ATP1B1: variants seen among roughly 807,000 people sequenced by gnomAD.
ATP1B1 encodes the protein sodium/potassium-transporting ATPase subunit beta-1.
A neutral mutation model predicts 39.6 loss-of-function variants in ATP1B1; 3 were observed. That is an observed-to-expected ratio of 0.08 (90% CI 0.03 to 0.20). The LOEUF (loss-of-function observed/expected upper bound fraction) is 0.20, where lower values mean the gene tolerates loss of function less well. ATP1B1 is among the 10% of genes least tolerant of loss of function. The pLI, the probability that ATP1B1 is intolerant of heterozygous loss-of-function variation, is 1.00. For missense variants in ATP1B1, 216 were observed against 371.1 expected (o/e 0.58, Z 3.43); for synonymous variants, 139 against 135.0 (o/e 1.03, Z -0.20).
At chr1:169,110,074 G>A (rs1323023796) in intron 1 of ATP1B1, among the ~76,000 whole-genome samples, 1 of 151,918 alleles carries the variant, frequency 6.6e-6, no homozygotes, top group Non-Finnish European at 1.5e-5. Flanking sequence ...TTTGATAGAG[G>A]AGAAAAAGGA....
chr1:169,109,651 C>T (rs1033344246), intron 1 of ATP1B1, among the ~76,000 whole-genome samples: 1 of 152,052 alleles, frequency 6.6e-6, no homozygotes, highest in South Asian at 2.1e-4. Flanking sequence ...AAACTGTAGC[C>T]TCAATTATGT....
In ATP1B1 at chr1:169,132,217, A is replaced by C. The variant is rs1007828191; in HGVS notation, c.*662A>C. The C allele has an allele frequency of 4.5e-6, 3 of 669,052 alleles. No individual in the cohort carries two copies. In the Admixed American group the frequency reaches 6.5e-5, roughly 15 times the overall value. The allele number at this position is 669,052 out of a possible 1,614,324, so 41.4% of individuals were successfully genotyped here. ...AAGTGACACTACAGAAAAACACAAAAAGGTGATGGGTTGTGTTATGCTTGT... is the reference window on the plus strand; with the variant it reads ...AAGTGACACTACAGAAAAACACAAACAGGTGATGGGTTGTGTTATGCTTGT... On this transcript the variant is annotated 3_prime_UTR_variant, in exon 6 of 6. Transcript: ENST00000367815.
At chr1:169,126,144 A>G (rs12066676) in intron 3 of ATP1B1, among the ~76,000 whole-genome samples, 21,227 of 152,126 alleles carry the variant, frequency 0.14, 2,802 homozygotes, top group East Asian at 0.73. Context: ...TTTTGGAAAT[A>G]TTTAGTAACT....
chr1:169,110,402 T>C (rs928128820), intron 1 of ATP1B1, among the ~76,000 whole-genome samples: 1 of 152,180 alleles, frequency 6.6e-6, no homozygotes, highest in African/African-American at 2.4e-5. Context: ...CTCGATAACC[T>C]TACAGTTCAC....
Position 169,131,679 on chromosome 1 carries a change from C to A in ATP1B1, c.*124C>A. On this transcript the variant is annotated 3_prime_UTR_variant, in exon 6 of 6. Transcript: ENST00000367815. This position sits in a 1 kb window ranked among gnomAD's most constrained non-coding sequence, Gnocchi z 4.4. ...ACCTACACTTAATCTATATGCTTTA[C>A]ACTAGCTTTCTGCATTTAATAGGTT... 9.2e-7 allele frequency: 1 copy of A among 1,090,290 alleles called. No individual in the cohort carries two copies. Among genetic ancestry groups the A allele is most frequent in the Non-Finnish European group, 1.3e-6 (1 of 777,522 alleles). 67.5% of individuals were successfully genotyped at this position (1,090,290 alleles called of 1,614,324 possible).
chr1:169,124,310 C>A (rs1557951346), intron 2 of ATP1B1, among the ~76,000 whole-genome samples: 1 of 152,120 alleles, frequency 6.6e-6, no homozygotes, highest in Non-Finnish European at 1.5e-5. Context: ...CCAAATTCTT[C>A]CCGTTTAGTT....
chr1:169,118,352 G>T (rs1029358968), intron 2 of ATP1B1, among the ~76,000 whole-genome samples: 1 of 152,180 alleles, frequency 6.6e-6, no homozygotes, highest in Non-Finnish European at 1.5e-5. Context: ...CTTTGTAAAG[G>T]GAGCAGATTC....
At chr1:169,124,319 T>G (rs10919065) in intron 2 of ATP1B1, among the ~76,000 whole-genome samples, 83,812 of 152,054 alleles carry the variant, frequency 0.55, 23,804 homozygotes, top group East Asian at 0.82. Flanking sequence ...TCCCGTTTAG[T>G]TTAAAAGATC....
At chr1:169,123,609 A>C (rs1201181319) in intron 2 of ATP1B1, among the ~76,000 whole-genome samples, 1 of 150,102 alleles carries the variant, frequency 6.7e-6, no homozygotes, top group Non-Finnish European at 1.5e-5. Flanking sequence ...ATTTATATAT[A>C]TCTCTATCTA....
intron 4 of ATP1B1, among the ~76,000 whole-genome samples, chr1:169,129,090 T>C (rs1303669554): frequency 6.6e-6 from 1 of 152,250 alleles, no homozygotes; most frequent in African/African-American, 2.4e-5. Flanking sequence ...ACAAATACAT[T>C]GCTGGCAGAA....
Position 169,132,580 on chromosome 1 carries a change from A to AC in ATP1B1, c.*1029dup. ...TGAACTTTATAAAAAGCAATGCAGT[A>AC]CCCCATAGACTGGTGTTAAATGTTG... On this transcript the variant is annotated 3_prime_UTR_variant, in exon 6 of 6. Coordinates refer to ENST00000367815, the MANE Select transcript of ATP1B1 (RefSeq NM_001677.4). 2.1e-6 allele frequency: 1 copy of AC among 469,602 alleles called. No homozygotes were observed. Among genetic ancestry groups the AC allele is most frequent in the East Asian group, 3.4e-5 (1 of 29,622 alleles). The allele number at this position is 469,602 out of a possible 1,614,324, so 29.1% of individuals were successfully genotyped here.
intron 1 of ATP1B1, 111 bp downstream of exon 1, chr1:169,107,037 G>GGTGCGGAA: frequency 1.9e-6 from 2 of 1,062,288 alleles, no homozygotes; most frequent in Non-Finnish European, 2.7e-6. Flanking sequence ...GGCCGGGGTG[G>GGTGCGGAA]CGGGGGCGAG....
chr1:169,111,142 T>G (rs539809736), intron 1 of ATP1B1, among the ~76,000 whole-genome samples: 21 of 152,282 alleles, frequency 1.4e-4, no homozygotes, highest in African/African-American at 4.6e-4. Flanking sequence ...TAGCTGAACA[T>G]TCCTCCTACC....
At chr1:169,110,733 T>G in intron 1 of ATP1B1, 4 of 1,238,002 alleles carry the variant, frequency 3.2e-6, no homozygotes, top group Non-Finnish European at 4.2e-6. Flanking sequence ...TAGAATTTTC[T>G]TTTTTTCCCC....
intron 1 of ATP1B1, chr1:169,107,959 G>C (rs866565203): frequency 6.6e-6 from 1 of 152,100 alleles, no homozygotes; most frequent in African/African-American, 2.4e-5. Flanking sequence ...GTCATTCAGG[G>C]AGTCCTGAAC....
chr1:169,114,247 T>C (rs961671267), intron 2 of ATP1B1, among the ~76,000 whole-genome samples: 1 of 147,662 alleles, frequency 6.8e-6, no homozygotes, highest in African/African-American at 2.6e-5. Context: ...AGACAAACAG[T>C]GTGTTTAAGA....
At chr1:169,112,284 A>T (rs982907966) in intron 2 of ATP1B1, among the ~76,000 whole-genome samples, 1 of 151,962 alleles carries the variant, frequency 6.6e-6, no homozygotes, top group Non-Finnish European at 1.5e-5. Flanking sequence ...GTGTGTCCAC[A>T]CCAGTCGTGA....
In ATP1B1 at chr1:169,126,904, A is replaced by G. The variant is rs148564615; in HGVS notation, c.383-320A>G. 3.9e-3 allele frequency among the ~76,000 whole-genome samples: 596 copies of G among 152,360 alleles called. 5 individuals are homozygous for G. Among genetic ancestry groups the G allele is most frequent in the African/African-American group, 0.013 (558 of 41,598 alleles). On this transcript the variant is annotated intron_variant, in intron 3 of 5. Transcript: ENST00000367815. ...CACGCAGTGTGATCCGTCTCCTTTC[A>G]GTCTTCTAAATAGCTGAGTAATCCA... is the stretch of plus-strand genomic sequence containing the variant.
intron 2 of ATP1B1, among the ~76,000 whole-genome samples, chr1:169,113,093 T>C (rs529719509): frequency 1.3e-5 from 2 of 151,854 alleles, no homozygotes; most frequent in African/African-American, 4.8e-5. Context: ...TGAGACAGAG[T>C]TTTGCTCTGT....
Sources: allele counts gnomAD v4.1 joint callset (sites outside exome capture counted in the v4.1 genomes callset), GRCh38; gene constraint gnomAD v4.1.1; non-coding constraint Gnocchi (gnomAD v3.1); transcripts MANE v1.5; gene names NCBI Gene and HGNC (gene_info 2026-07-23, HGNC 2026-07-21).